Variants in DSC1 observed in about 807,000 individuals in gnomAD.
DSC1 encodes desmocollin-1.
In DSC1, 79 loss-of-function variants were observed where a neutral mutation model predicts 98.8. The ratio of observed to expected loss-of-function variants is 0.80; its 90% CI spans 0.67 to 0.96. The LOEUF is 0.96. DSC1 is among the 50% of genes least tolerant of loss of function. The pLI is 0.00. For synonymous variants in DSC1, 405 were observed against 372.1 expected (o/e 1.09, Z -1.02); for missense variants, 1,115 against 1,075.9 (o/e 1.04, Z -0.51).
chr18:31,134,519 C>T (rs1988565957), intron 12 of DSC1, 53 bp downstream of exon 12: 1 of 1,356,882 alleles, frequency 7.4e-7, no homozygotes, highest in Admixed American at 2.3e-5. Context: ...GGTGAAAGAA[C>T]CATCACCAAT....
chr18:31,145,885 T>C, intron 6 of DSC1, 108 bp from the exon 7 acceptor site: 1 of 1,177,522 alleles, frequency 8.5e-7, no homozygotes, highest in South Asian at 1.5e-5. Context: ...AAACCACAAG[T>C]AGATTAGTTC....
At chr18:31,155,896 C>A (rs1403387253) in intron 4 of DSC1, 147 bp downstream of exon 4, 10 of 814,358 alleles carry the variant, frequency 1.2e-5, no homozygotes, top group Non-Finnish European at 1.9e-5. Context: ...TGGGTCACTT[C>A]TATGGGACCC....
In DSC1 at chr18:31,159,209, G is replaced by A. The variant is rs56176048; in HGVS notation, c.148+236C>T. Among the ~76,000 whole-genome samples the A allele has an allele frequency of 2.8e-3, 344 of 122,806 alleles. 1 individual carries two copies. Among genetic ancestry groups the A allele is most frequent in the African/African-American group, 9.7e-3 (326 of 33,626 alleles). The allele number at this position is 122,806 out of a possible 152,430, so 80.6% of individuals were successfully genotyped here. A position where few individuals can be genotyped will look rare whatever the true frequency, so the allele number is the denominator to read the frequency against. On this transcript the variant is annotated intron_variant, in intron 2 of 15. Transcript: ENST00000257198. ...GCTGGGACTACAGGCGCCCGCCACC[G>A]CGCCCGGCTAATTTTTTGTATTTTT...
rs1988463110 is a variant in DSC1, at chr18:31,130,572, A to C, written c.2627T>G (p.Phe876Cys). 3.1e-6 allele frequency: 5 copies of C among 1,614,146 alleles called. 1 individual carries two copies. Among genetic ancestry groups the C allele is most frequent in the Non-Finnish European group, 4.2e-6 (5 of 1,180,034 alleles). The part of the protein sequence containing the change: ...SDRQEEEGLE[F>C]LDHLEPKFRT... ...AAATTTGGGTTCCAGGTGATCTAGA[A>C]ACTCCAGTCCCTCTTCTTCCTGCCG... The change falls in exon 16 of 16, where the codon TTT becomes TGT. Residue 876 changes from phenylalanine to cysteine, a missense_variant. Physicochemically the swap from Phe to Cys is radical, Grantham distance 205. Coordinates refer to ENST00000257198, the MANE Select transcript of DSC1 (RefSeq NM_024421.2).
intron 9 of DSC1, among the ~76,000 whole-genome samples, chr18:31,141,545 G>T (rs1988735242): frequency 6.6e-6 from 1 of 152,190 alleles, no homozygotes; most frequent in Non-Finnish European, 1.5e-5. Flanking sequence ...GGGAAAAGTT[G>T]CTGAATATTT....
intron 4 of DSC1, 124 bp from the exon 5 acceptor site, chr18:31,155,053 T>A: frequency 8.8e-7 from 1 of 1,135,562 alleles, no homozygotes. Context: ...TTCTTTCTTC[T>A]GCTTAGGTGC....
At chr18:31,141,029 T>C (rs1209897016) in intron 9 of DSC1, among the ~76,000 whole-genome samples, 3 of 152,146 alleles carry the variant, frequency 2.0e-5, no homozygotes. Context: ...GCTGCCACCA[T>C]GTGAGAAGTG....
chr18:31,132,575 T>A lies in DSC1; in HGVS notation c.2231A>T (p.Glu744Val), dbSNP rs2144913006. ...ATGTGAAATCTGATTTACCGTTACTTCTTCTCCAGGTCCTTCAGTATTTGA... is the reference window on the plus strand; with the variant it reads ...ATGTGAAATCTGATTTACCGTTACTACTTCTCCAGGTCCTTCAGTATTTGA... ...IVSNTEGPGE[E>V]VTEANIRLPM... Residue 744 changes from glutamate to valine, a missense_variant, in exon 14 of 16, where the codon GAA (glutamate) becomes GTA (valine). Transcript: ENST00000257198. The A allele has an allele frequency of 6.2e-7, 1 of 1,613,280 alleles. No individual in the cohort carries two copies. Among genetic ancestry groups the A allele is most frequent in the South Asian group, 1.1e-5 (1 of 91,040 alleles).
At chr18:31,143,141 C>CAT (rs1032470293) in intron 8 of DSC1, among the ~76,000 whole-genome samples, 3 of 151,636 alleles carry the variant, frequency 2.0e-5, no homozygotes, top group African/African-American at 7.3e-5. Context: ...ACACATCACA[C>CAT]ATATATATAT....
intron 7 of DSC1, among the ~76,000 whole-genome samples, chr18:31,144,533 T>C (rs1275469673): frequency 1.3e-5 from 2 of 152,156 alleles, no homozygotes; most frequent in Non-Finnish European, 2.9e-5. Context: ...TGATTTCAAC[T>C]ATATGACATT....
chr18:31,141,717 C>T (rs1175363574), intron 9 of DSC1, among the ~76,000 whole-genome samples: 1 of 152,090 alleles, frequency 6.6e-6, no homozygotes, highest in African/African-American at 2.4e-5. Flanking sequence ...AAGTAAGTGT[C>T]TAAGACCCCT....
At chr18:31,162,363 T>C (rs1989225747) in intron 1 of DSC1, among the ~76,000 whole-genome samples, 169 bp downstream of exon 1, 1 of 152,198 alleles carries the variant, frequency 6.6e-6, no homozygotes, top group African/African-American at 2.4e-5. Context: ...CCATCCTGAA[T>C]CCCAAGCCTC....
At position 31,139,396 on chromosome 18, in the gene DSC1, C is replaced by A. The variant is rs532109742; in HGVS notation, c.1663+352G>T. ...AAGCTCAAATCATAATGTATCTAAA[C>A]CTGTACTTCTGAAAAAAAACGGTGA... On this transcript the variant is annotated intron_variant, in intron 11 of 15. Transcript: ENST00000257198. Among the ~76,000 whole-genome samples the A allele has an allele frequency of 2.6e-5, 4 of 152,158 alleles. No homozygotes were observed. In the South Asian group the frequency reaches 8.3e-4, roughly 32 times the overall value.
chr18:31,155,066 A>G, intron 4 of DSC1, 137 bp from the exon 5 acceptor site: 1 of 1,005,918 alleles, frequency 9.9e-7, no homozygotes, highest in Admixed American at 3.1e-5. Context: ...TTAGGTGCCC[A>G]TTATCTGCCA....
At chr18:31,149,007 A>C (rs1420263519) in intron 5 of DSC1, among the ~76,000 whole-genome samples, 4 of 152,242 alleles carry the variant, frequency 2.6e-5, no homozygotes, top group African/African-American at 9.6e-5. Flanking sequence ...ACAGATGTAT[A>C]TATACATACA....
chr18:31,138,425 T>C (rs991363775), intron 11 of DSC1, among the ~76,000 whole-genome samples: 2 of 152,144 alleles, frequency 1.3e-5, no homozygotes, highest in African/African-American at 2.4e-5. Flanking sequence ...ATAATAATTC[T>C]ATAGTTGATA....
chr18:31,140,428 A>T, intron 9 of DSC1, 127 bp from the exon 10 acceptor site: 1 of 970,202 alleles, frequency 1.0e-6, no homozygotes, highest in Non-Finnish European at 1.4e-6. Flanking sequence ...GGTCTAATAC[A>T]GTTAAAGACC....
In DSC1 at chr18:31,147,550, C is replaced by G. The variant is rs141731338; in HGVS notation, c.772+948G>C. Reference sequence around the variant, plus strand: ...ATGTAGTATATCCTTGAAAGTCAAGCATTTAAAAATGTTCTACATAATTGT... The same window carrying G: ...ATGTAGTATATCCTTGAAAGTCAAGGATTTAAAAATGTTCTACATAATTGT... On this transcript the variant is annotated intron_variant, in intron 6 of 15. Coordinates refer to ENST00000257198, the MANE Select transcript of DSC1 (RefSeq NM_024421.2). Among the ~76,000 whole-genome samples, 1,417 of 152,106 alleles carry G rather than the reference C, an allele frequency of 9.3e-3. 23 individuals are homozygous for G. Among genetic ancestry groups the G allele is most frequent in the African/African-American group, 0.032 (1,335 of 41,502 alleles).
chr18:31,132,578 T>C lies in DSC1; in HGVS notation c.2228A>G (p.Glu743Gly). 2 of 1,613,326 alleles carry C rather than the reference T, an allele frequency of 1.2e-6. No individual in the cohort carries two copies. Among genetic ancestry groups the C allele is most frequent in the Non-Finnish European group, 1.7e-6 (2 of 1,179,528 alleles). Residue 743 changes from glutamate to glycine, a missense_variant, in exon 14 of 16, where the codon GAA (glutamate) becomes GGA (glycine). Coordinates refer to ENST00000257198, the MANE Select transcript of DSC1 (RefSeq NM_024421.2). ...TGAAATCTGATTTACCGTTACTTCT[T>C]CTCCAGGTCCTTCAGTATTTGATAC... ...LIVSNTEGPGEEVTEANIRLP... is the reference protein window; with the variant it reads ...LIVSNTEGPGGEVTEANIRLP...
Sources: allele counts gnomAD v4.1 joint callset (sites outside exome capture counted in the v4.1 genomes callset), GRCh38; gene constraint gnomAD v4.1.1; transcripts MANE v1.5; gene names NCBI Gene and HGNC (gene_info 2026-07-23, HGNC 2026-07-21).